The following AKAP6 variants were observed in gnomAD, a reference collection of about 807,000 sequenced individuals.
AKAP6 encodes A-kinase anchor protein 6.
In AKAP6, 58 loss-of-function variants were observed where a neutral mutation model predicts 188.5. The ratio of observed to expected loss-of-function variants is 0.31; its 90% CI spans 0.25 to 0.38. The LOEUF is 0.38. AKAP6 is among the 10% of genes least tolerant of loss of function. AKAP6 has a pLI of 1.00. For missense variants in AKAP6, 2,710 were observed against 2,740.0 expected (o/e 0.99, Z 0.24); for synonymous variants, 989 against 998.6 (o/e 0.99, Z 0.18).
chr14:32,395,523 A>T (rs1410532673), intron 1 of AKAP6, among the ~76,000 whole-genome samples: 2 of 152,112 alleles, frequency 1.3e-5, no homozygotes, highest in East Asian at 3.9e-4. Flanking sequence ...TCAACCATAG[A>T]ACTCGCCCTT....
intron 1 of AKAP6, among the ~76,000 whole-genome samples, chr14:32,411,358 G>A (rs1594587738): frequency 6.6e-6 from 1 of 152,276 alleles, no homozygotes. Flanking sequence ...CCCACCTGCT[G>A]ATTGCACTCT....
rs1013052733 is a variant in AKAP6, at chr14:32,814,178, C to T, written c.3589-7224C>T. ...TGCACTGGCCTCTAGCACCTGCCCT[C>T]TCTAAGGTTACAGATGATTTTCTCT... On this transcript the variant is annotated intron_variant, in intron 12 of 13. Coordinates refer to ENST00000280979, the MANE Select transcript of AKAP6 (RefSeq NM_004274.5). Among the ~76,000 whole-genome samples, 4 of 152,212 alleles carry T rather than the reference C, an allele frequency of 2.6e-5. No homozygotes were observed. The East Asian group carries it at 7.7e-4, about 29-fold the overall frequency.
intron 12 of AKAP6, among the ~76,000 whole-genome samples, chr14:32,806,062 G>A (rs2034081186): frequency 6.6e-6 from 1 of 152,162 alleles, no homozygotes; most frequent in South Asian, 2.1e-4. Flanking sequence ...TGCAAGGATG[G>A]TTCGTTGTAT....
intron 2 of AKAP6, among the ~76,000 whole-genome samples, chr14:32,457,680 T>G (rs1484052399): frequency 6.6e-6 from 1 of 152,160 alleles, no homozygotes; most frequent in African/African-American, 2.4e-5. Context: ...AGGCGCCTGG[T>G]GAAGCTACAC....
intron 1 of AKAP6, among the ~76,000 whole-genome samples, chr14:32,432,753 G>A (rs1890262367): frequency 6.6e-6 from 1 of 152,160 alleles, no homozygotes; most frequent in African/African-American, 2.4e-5. Context: ...TCAAAATGAT[G>A]TTTGAATATT....
chr14:32,670,617 G>T (rs1340363926), intron 7 of AKAP6, among the ~76,000 whole-genome samples: 1 of 152,104 alleles, frequency 6.6e-6, no homozygotes, highest in East Asian at 1.9e-4. Context: ...TATATTGAAG[G>T]ATCCCTGTGA....
intron 2 of AKAP6, among the ~76,000 whole-genome samples, chr14:32,523,268 G>T (rs987760485): frequency 6.6e-6 from 1 of 152,096 alleles, no homozygotes; most frequent in Non-Finnish European, 1.5e-5. Flanking sequence ...CATGGCACAT[G>T]TATACATATG....
chr14:32,568,551 A>G lies in AKAP6; in HGVS notation c.2347-8569A>G, dbSNP rs1178691011. ...TCTCAGGTGCTCATTTGAGACTTAA[A>G]GGCAGATAAAGATGATCTGATCTGC... On this transcript the variant is annotated intron_variant, in intron 4 of 13. Transcript: ENST00000280979. This position sits in a 1 kb window ranked among gnomAD's most constrained non-coding sequence, Gnocchi z 6.2. Among the ~76,000 whole-genome samples, 2 of 152,144 alleles carry G rather than the reference A, an allele frequency of 1.3e-5. No individual in the cohort carries two copies. Among genetic ancestry groups the G allele is most frequent in the Non-Finnish European group, 2.9e-5 (2 of 68,032 alleles).
chr14:32,805,048 T>A (rs975086049), intron 12 of AKAP6, among the ~76,000 whole-genome samples: 2 of 152,196 alleles, frequency 1.3e-5, no homozygotes, highest in African/African-American at 4.8e-5. Context: ...TGTTTTACAA[T>A]CAATTTGTAC....
intron 1 of AKAP6, among the ~76,000 whole-genome samples, chr14:32,432,705 C>T (rs1890261135): frequency 6.6e-6 from 1 of 152,190 alleles, no homozygotes; most frequent in African/African-American, 2.4e-5. Context: ...CATCTTCCCA[C>T]GTAGCTGTCC....
At chr14:32,676,254 C>A (rs908234355) in intron 7 of AKAP6, among the ~76,000 whole-genome samples, 1 of 152,048 alleles carries the variant, frequency 6.6e-6, no homozygotes, top group Non-Finnish European at 1.5e-5. Context: ...TCTCAATTTT[C>A]TCATAAAAAT....
chr14:32,337,199 G>T (rs541390142), intron 1 of AKAP6, among the ~76,000 whole-genome samples: 13 of 152,230 alleles, frequency 8.5e-5, no homozygotes, highest in African/African-American at 2.6e-4. Flanking sequence ...GAAAACAGGC[G>T]TGCAAGTACA....
At chr14:32,458,768 T>C (rs1282621350) in intron 2 of AKAP6, among the ~76,000 whole-genome samples, 4 of 151,762 alleles carry the variant, frequency 2.6e-5, no homozygotes, top group Admixed American at 2.6e-4. Context: ...TTTTAAAAAC[T>C]CAGAAATATG....
At chr14:32,485,779 A>C (rs143653304) in intron 2 of AKAP6, among the ~76,000 whole-genome samples, 191 of 152,242 alleles carry the variant, frequency 1.3e-3, no homozygotes, top group Middle Eastern at 6.8e-3. Flanking sequence ...GTTCACTCTG[A>C]TGATAATTCC....
chr14:32,410,135 G>C (rs1451534899), intron 1 of AKAP6, among the ~76,000 whole-genome samples: 2 of 114,450 alleles, frequency 1.7e-5, no homozygotes, highest in Non-Finnish European at 4.1e-5. Context: ...ATTCTGTAGA[G>C]AATCCCCTTC....
chr14:32,516,159 C>CT (rs1179293720), intron 2 of AKAP6, among the ~76,000 whole-genome samples: 1 of 152,146 alleles, frequency 6.6e-6, no homozygotes, highest in African/African-American at 2.4e-5. Flanking sequence ...GATTTTTGTC[C>CT]TTTTTGCGTA....
At chr14:32,829,465 G>A (rs1033927087) in intron 13 of AKAP6, among the ~76,000 whole-genome samples, 4 of 152,102 alleles carry the variant, frequency 2.6e-5, no homozygotes, top group Non-Finnish European at 4.4e-5. Context: ...ATATTTTGCC[G>A]CATCACTTGG....
At chr14:32,745,418 C>G (rs1055369328) in intron 11 of AKAP6, among the ~76,000 whole-genome samples, 27 of 152,068 alleles carry the variant, frequency 1.8e-4, no homozygotes, top group African/African-American at 6.0e-4. Flanking sequence ...GGCAGAGACT[C>G]TTGTTTTTTT....
intron 2 of AKAP6, among the ~76,000 whole-genome samples, chr14:32,443,871 A>G (rs1181725091): frequency 6.6e-6 from 1 of 152,230 alleles, no homozygotes. Context: ...TGAAGTTGTC[A>G]GTGTACCACC....
Sources: gnomAD v4.1 joint callset for allele counts (sites outside exome capture counted in the v4.1 genomes callset) on GRCh38, gnomAD v4.1.1 for gene constraint, Gnocchi (gnomAD v3.1) non-coding constraint, MANE v1.5 for transcripts, NCBI Gene and HGNC (gene_info 2026-07-23, HGNC 2026-07-21) for gene names.